The following PPM1E variants were observed in gnomAD, a reference collection of about 807,000 sequenced individuals.
PPM1E encodes the protein protein phosphatase, Mg2+/Mn2+ dependent 1E, also known as protein phosphatase 1E.
Under a neutral mutation model 65.9 loss-of-function variants are expected in PPM1E, and 20 were observed. The ratio of observed to expected loss-of-function variants is 0.30; its 90% CI spans 0.21 to 0.44. The LOEUF is 0.44. Ranked by LOEUF, PPM1E falls within the 20% of genes least tolerant of loss-of-function variation. The probability of loss-of-function intolerance (pLI) is 1.00; values close to 1 mark genes in which losing one functional copy is unlikely to be tolerated. For missense variants in PPM1E, 713 were observed against 953.1 expected (o/e 0.75, Z 3.32); for synonymous variants, 352 against 374.9 (o/e 0.94, Z 0.70).
At chr17:58,836,470 T>A (rs2050657550) in intron 1 of PPM1E, among the ~76,000 whole-genome samples, 1 of 146,742 alleles carries the variant, frequency 6.8e-6, no homozygotes, top group Non-Finnish European at 1.5e-5. Flanking sequence ...AAAAAAAAAT[T>A]TTTTTTTTCT....
rs1405233327 is a variant in PPM1E, at chr17:58,880,225, C to T, written c.465-75424C>T. Among the ~76,000 whole-genome samples, 4 of 152,244 alleles carry T rather than the reference C, an allele frequency of 2.6e-5. No homozygotes were observed. In the East Asian group the frequency reaches 7.7e-4, roughly 29 times the overall value. ...CTTTTGGTATAGGGAGGGTGTCTTT[C>T]ACATGGGAATTTCATCTCCTGCTTT... On this transcript the variant is annotated intron_variant, in intron 1 of 6. Transcript: ENST00000308249.
intron 1 of PPM1E, among the ~76,000 whole-genome samples, chr17:58,810,262 C>A (rs543479762): frequency 1.3e-5 from 2 of 151,848 alleles, no homozygotes; most frequent in Non-Finnish European, 2.9e-5. Context: ...GGCTGGAGTG[C>A]AGTGGTGCGA....
intron 1 of PPM1E, among the ~76,000 whole-genome samples, chr17:58,781,177 G>T (rs2050046380): frequency 8.0e-6 from 1 of 124,702 alleles, no homozygotes; most frequent in African/African-American, 3.1e-5. Context: ...GTCTTTCTCT[G>T]TTGCCCAGGC....
intron 1 of PPM1E, among the ~76,000 whole-genome samples, chr17:58,846,359 T>G (rs892454889): frequency 1.3e-5 from 2 of 152,184 alleles, no homozygotes; most frequent in Admixed American, 1.3e-4. Flanking sequence ...CATGTTGGTG[T>G]GCTGCACCCA....
At chr17:58,794,042 A>G (rs980625832) in intron 1 of PPM1E, among the ~76,000 whole-genome samples, 3 of 151,912 alleles carry the variant, frequency 2.0e-5, no homozygotes, top group African/African-American at 7.3e-5. Context: ...TCCTGGGTTC[A>G]AGCAATTCTC....
Position 58,981,000 on chromosome 17 carries a change from C to A in PPM1E, c.2237C>A (p.Pro746Gln), listed in dbSNP as rs1240206309. 6.2e-7 allele frequency: 1 copy of A among 1,611,710 alleles called. No individual in the cohort carries two copies. Among genetic ancestry groups the A allele is most frequent in the Non-Finnish European group, 8.5e-7 (1 of 1,179,308 alleles). Residue 746 changes from proline (P) to glutamine (Q), a missense_variant, in exon 7 of 7, where the codon CCA becomes CAA. Transcript: ENST00000308249. This position sits in a 1 kb window ranked among gnomAD's most constrained non-coding sequence, Gnocchi z 4.7. ...KLRKTHDIPC[P>Q]DLPWSYKIE ...AGAAAGACTCATGATATTCCATGCC[C>A]AGATCTTCCTTGGAGCTATAAAATA...
intron 1 of PPM1E, among the ~76,000 whole-genome samples, chr17:58,888,489 G>C (rs754648176): frequency 6.7e-6 from 1 of 148,682 alleles, no homozygotes; most frequent in East Asian, 2.0e-4. Context: ...TCAGCCTCCC[G>C]AGTAGCTGGG....
intron 1 of PPM1E, among the ~76,000 whole-genome samples, chr17:58,925,328 G>A (rs1393184231): frequency 2.0e-5 from 3 of 152,046 alleles, no homozygotes; most frequent in Non-Finnish European, 4.4e-5. Context: ...CTAATCATTA[G>A]TGATATTGAG....
intron 1 of PPM1E, among the ~76,000 whole-genome samples, chr17:58,803,440 G>C (rs2050277396): frequency 6.6e-6 from 1 of 152,108 alleles, no homozygotes; most frequent in South Asian, 2.1e-4. Flanking sequence ...CCTGATCATG[G>C]TGCATAGTCT....
At chr17:58,842,398 CT>C (rs2143222545) in intron 1 of PPM1E, among the ~76,000 whole-genome samples, 1 of 152,288 alleles carries the variant, frequency 6.6e-6, no homozygotes, top group Admixed American at 6.5e-5. Context: ...CATTCATTAA[CT>C]GTAATAAGTG....
chr17:58,836,468 AT>A (rs1300445135), intron 1 of PPM1E, among the ~76,000 whole-genome samples: 5 of 145,620 alleles, frequency 3.4e-5, no homozygotes, highest in South Asian at 2.2e-4. Flanking sequence ...CAAAAAAAAA[AT>A]TTTTTTTTTC....
At chr17:58,885,117 C>T (rs138060869) in intron 1 of PPM1E, among the ~76,000 whole-genome samples, 2,922 of 152,174 alleles carry the variant, frequency 0.019, 90 homozygotes, top group African/African-American at 0.067. Flanking sequence ...AGTGCAGTGG[C>T]GTGATCTCGG....
chr17:58,919,283 G>A (rs1407541997), intron 1 of PPM1E, among the ~76,000 whole-genome samples: 2 of 152,064 alleles, frequency 1.3e-5, no homozygotes, highest in Non-Finnish European at 2.9e-5. Context: ...ATTGATAGAT[G>A]GAAAGAGGTG....
chr17:58,841,091 C>A (rs569970114), intron 1 of PPM1E, among the ~76,000 whole-genome samples: 1 of 152,238 alleles, frequency 6.6e-6, no homozygotes, highest in South Asian at 2.1e-4. Context: ...CCTGGGGCAC[C>A]CCCCTTGTTG....
At chr17:58,935,249 C>CAA (rs11347335) in intron 1 of PPM1E, among the ~76,000 whole-genome samples, 1 of 140,398 alleles carries the variant, frequency 7.1e-6, no homozygotes, top group Admixed American at 7.3e-5. Flanking sequence ...GACTCCATTT[C>CAA]AAAAAAAAAA....
chr17:58,856,798 C>T (rs1458276189), intron 1 of PPM1E, among the ~76,000 whole-genome samples: 1 of 152,166 alleles, frequency 6.6e-6, no homozygotes, highest in African/African-American at 2.4e-5. Context: ...TCTGGAATTT[C>T]TCATCTCCAG....
intron 1 of PPM1E, among the ~76,000 whole-genome samples, chr17:58,786,832 G>A (rs1386285087): frequency 6.6e-6 from 1 of 151,960 alleles, no homozygotes; most frequent in Non-Finnish European, 1.5e-5. Context: ...CCCTTATTTT[G>A]AATATTTAAG....
At chr17:58,896,394 G>C (rs2051417186) in intron 1 of PPM1E, among the ~76,000 whole-genome samples, 1 of 151,950 alleles carries the variant, frequency 6.6e-6, no homozygotes, top group African/African-American at 2.4e-5. Context: ...AGACCTGCCT[G>C]ACCAATATGG....
At chr17:58,897,412 TAA>T (rs945692432) in intron 1 of PPM1E, among the ~76,000 whole-genome samples, 22 of 135,330 alleles carry the variant, frequency 1.6e-4, no homozygotes, top group Admixed American at 3.0e-4. Flanking sequence ...AGACTCCATC[TAA>T]AAAAAAAAAA....
Sources: allele counts gnomAD v4.1 joint callset (sites outside exome capture counted in the v4.1 genomes callset), GRCh38; gene constraint gnomAD v4.1.1; non-coding constraint Gnocchi (gnomAD v3.1); transcripts MANE v1.5; gene names NCBI Gene and HGNC (gene_info 2026-07-23, HGNC 2026-07-21).